Variants in PHF14 observed in about 807,000 individuals in gnomAD.
PHF14 encodes PHD finger protein 14.
Under a neutral mutation model 117.9 loss-of-function variants are expected in PHF14, and 55 were observed. The observed-to-expected ratio is 0.47, with a 90% CI of 0.38 to 0.58. The LOEUF (loss-of-function observed/expected upper bound fraction) is 0.58, where lower values mean the gene tolerates loss of function less well. PHF14 is among the 20% of genes least tolerant of loss of function. The pLI, the probability that PHF14 is intolerant of heterozygous loss-of-function variation, is 0.00. For synonymous variants in PHF14, 409 were observed against 368.6 expected (o/e 1.11, Z -1.26); for missense variants, 978 against 1,122.2 (o/e 0.87, Z 1.84).
At chr7:10,976,054 AT>A (rs1781852621) in intron 2 of PHF14, among the ~76,000 whole-genome samples, 1 of 152,224 alleles carries the variant, frequency 6.6e-6, no homozygotes, top group Admixed American at 6.5e-5. Context: ...TAACAGGGGT[AT>A]TGAGTTTAAA....
At chr7:11,062,153 A>G in intron 16 of PHF14, 68 bp downstream of exon 16, 1 of 1,342,746 alleles carries the variant, frequency 7.4e-7, no homozygotes, top group Non-Finnish European at 1.0e-6. Context: ...CATCACAGAA[A>G]AAATGAAAAA....
chr7:11,039,503 A>C (rs540286790), intron 11 of PHF14, among the ~76,000 whole-genome samples: 20 of 152,254 alleles, frequency 1.3e-4, no homozygotes, highest in African/African-American at 4.8e-4. Flanking sequence ...AGTACTGTGT[A>C]TATAATTGAT....
At chr7:10,995,296 G>A (rs1188714146) in intron 4 of PHF14, among the ~76,000 whole-genome samples, 4 of 151,774 alleles carry the variant, frequency 2.6e-5, no homozygotes, top group Non-Finnish European at 4.4e-5. Flanking sequence ...GGTTCTCCAA[G>A]TCCCCACCAG....
chr7:11,022,755 A>T, intron 5 of PHF14, 113 bp from the exon 6 acceptor site: 1 of 507,018 alleles, frequency 2.0e-6, no homozygotes, highest in Non-Finnish European at 3.5e-6. Context: ...TTAACATTTG[A>T]TTACAGAATT....
At chr7:11,009,055 CT>C (rs907112230) in intron 4 of PHF14, among the ~76,000 whole-genome samples, 2 of 140,820 alleles carry the variant, frequency 1.4e-5, no homozygotes, top group African/African-American at 2.6e-5. Context: ...AAAAAAAAGT[CT>C]TTTTTATTGA....
intron 7 of PHF14, among the ~76,000 whole-genome samples, chr7:11,034,749 G>T (rs61646663): frequency 3.2e-4 from 48 of 151,476 alleles, no homozygotes; most frequent in Non-Finnish European, 5.6e-4. Flanking sequence ...GGCTTTTGCC[G>T]TGTTGGCCAG....
chr7:11,142,036 T>G (rs984712564), intron 17 of PHF14, among the ~76,000 whole-genome samples: 2 of 152,062 alleles, frequency 1.3e-5, no homozygotes, highest in African/African-American at 4.8e-5. Context: ...ATGCTTATTT[T>G]TAGATTGGGG....
At chr7:11,126,074 C>A (rs1182062785) in intron 17 of PHF14, among the ~76,000 whole-genome samples, 1 of 152,022 alleles carries the variant, frequency 6.6e-6, no homozygotes, top group African/African-American at 2.4e-5. Context: ...CAATAGTATT[C>A]TTTATATTCT....
Position 10,973,991 on chromosome 7 carries a change from T to G in PHF14, c.-333T>G, listed in dbSNP as rs1423200307. The G allele has an allele frequency of 3.6e-5, 10 of 278,942 alleles. No individual in the cohort carries two copies. Among genetic ancestry groups the G allele is most frequent in the African/African-American group, 2.0e-4 (9 of 45,012 alleles). 17.3% of individuals were successfully genotyped at this position (278,942 alleles called of 1,614,324 possible). A position where few individuals can be genotyped will look rare whatever the true frequency, so the allele number is the denominator to read the frequency against. Reference sequence around the variant, plus strand: ...TGGTCCAGGCTAATAAAGTTTTTCTTTCTTTAATTTTTTTTCTTCTAGTTT... The same window carrying G: ...TGGTCCAGGCTAATAAAGTTTTTCTGTCTTTAATTTTTTTTCTTCTAGTTT... On this transcript the variant is annotated 5_prime_UTR_variant, in exon 1 of 18. Transcript: ENST00000634607.
chr7:11,103,108 AT>A, intron 16 of PHF14: 2 of 972,076 alleles, frequency 2.1e-6, no homozygotes, highest in Non-Finnish European at 2.4e-6. Context: ...TGTTATTTCT[AT>A]TTATAATATT....
At chr7:11,018,460 T>C (rs1783606244) in intron 5 of PHF14, among the ~76,000 whole-genome samples, 1 of 152,150 alleles carries the variant, frequency 6.6e-6, no homozygotes, top group South Asian at 2.1e-4. Context: ...TAGAAATCTT[T>C]TACTTCTTTA....
At chr7:10,987,892 TG>T (rs201953862) in intron 3 of PHF14, among the ~76,000 whole-genome samples, 3,020 of 151,864 alleles carry the variant, frequency 0.02, 42 homozygotes, top group Middle Eastern at 0.045. Context: ...GGTACATACC[TG>T]TAATCCCAGC....
At chr7:10,994,700 G>T (rs796300975) in intron 4 of PHF14, among the ~76,000 whole-genome samples, 5 of 152,212 alleles carry the variant, frequency 3.3e-5, no homozygotes, top group African/African-American at 1.2e-4. Context: ...AAGGCGGCGT[G>T]TCCGGAGTTT....
At chr7:11,102,918 A>C in intron 16 of PHF14, 1 of 1,059,314 alleles carries the variant, frequency 9.4e-7, no homozygotes, top group South Asian at 3.5e-5. Flanking sequence ...CTGAAGAGTT[A>C]CTGAAGCCTG....
chr7:11,048,655 G>A (rs910763400), intron 13 of PHF14, among the ~76,000 whole-genome samples: 2 of 152,168 alleles, frequency 1.3e-5, no homozygotes, highest in Non-Finnish European at 1.5e-5. Flanking sequence ...TTACCATCTT[G>A]TGTACCAATT....
intron 16 of PHF14, among the ~76,000 whole-genome samples, chr7:11,087,708 G>A (rs529951701): frequency 1.2e-4 from 19 of 152,140 alleles, no homozygotes; most frequent in Middle Eastern, 6.8e-3. Flanking sequence ...TAATCTCTGT[G>A]TGTTTTCATT....
chr7:11,151,367 G>A (rs1177616396), intron 17 of PHF14, among the ~76,000 whole-genome samples: 2 of 151,972 alleles, frequency 1.3e-5, no homozygotes, highest in Non-Finnish European at 2.9e-5. Context: ...ACCAGCCTAG[G>A]CAACATAGTG....
chr7:11,077,902 G>A (rs1785928339), intron 16 of PHF14, among the ~76,000 whole-genome samples: 1 of 152,124 alleles, frequency 6.6e-6, no homozygotes, highest in Non-Finnish European at 1.5e-5. Context: ...CCTCAGTTGA[G>A]AAGTTTTGCA....
chr7:11,007,048 G>A (rs966144960), intron 4 of PHF14, among the ~76,000 whole-genome samples: 1 of 151,860 alleles, frequency 6.6e-6, no homozygotes. Context: ...GTGGTAGTGG[G>A]CACCTGTAAT....
Sources: gnomAD v4.1 joint callset for allele counts (sites outside exome capture counted in the v4.1 genomes callset) on GRCh38, gnomAD v4.1.1 for gene constraint, MANE v1.5 for transcripts, NCBI Gene and HGNC (gene_info 2026-07-23, HGNC 2026-07-21) for gene names.